Variants in KDM3B observed in about 807,000 individuals in gnomAD.
KDM3B encodes the protein lysine demethylase 3B, also known as lysine-specific demethylase 3B.
Under a neutral mutation model 170.0 loss-of-function variants are expected in KDM3B, and 10 were observed. The observed-to-expected ratio is 0.06, with a 90% confidence interval of 0.04 to 0.10. The LOEUF is 0.10. Ranked by LOEUF, KDM3B falls within the 10% of genes least tolerant of loss-of-function variation. The probability of loss-of-function intolerance (pLI) is 1.00; values close to 1 mark genes in which losing one functional copy is unlikely to be tolerated. For missense variants in KDM3B, 1,394 were observed against 2,195.2 expected (o/e 0.64, Z 7.29); for synonymous variants, 831 against 834.8 (o/e 1.00, Z 0.08).
At chr5:138,385,523 GC>G (rs529460783) in intron 6 of KDM3B, among the ~76,000 whole-genome samples, 53 of 152,368 alleles carry the variant, frequency 3.5e-4, no homozygotes, top group African/African-American at 1.2e-3. Flanking sequence ...GAGCCACTGT[GC>G]CCAGCCCAGG....
At chr5:138,395,215 G>A (rs1430200952) in intron 9 of KDM3B, among the ~76,000 whole-genome samples, 3 of 152,134 alleles carry the variant, frequency 2.0e-5, no homozygotes, top group African/African-American at 7.2e-5. Context: ...CCTACCTGGA[G>A]ATATAAATTT....
rs1357545104 is a variant in KDM3B at position 138,417,623 on chromosome 5, G to A, written c.3435+13G>A. 6.2e-7 allele frequency: 1 copy of A among 1,612,656 alleles called. No individual in the cohort carries two copies. The highest frequency in any genetic ancestry group is 1.3e-5 in the African/African-American group (1 of 74,918). On this transcript the variant is annotated intron_variant, in intron 13 of 23. Coordinates refer to ENST00000314358, the MANE Select transcript of KDM3B (RefSeq NM_016604.4). Reference sequence around the variant, plus strand: ...TGGGATGTCACAGGTAAACTGGTGTGTGTGGGTATAACTAAGTGAAGCCTA... The same window carrying A: ...TGGGATGTCACAGGTAAACTGGTGTATGTGGGTATAACTAAGTGAAGCCTA...
intron 10 of KDM3B, among the ~76,000 whole-genome samples, chr5:138,398,841 T>A (rs1160515500): frequency 2.0e-5 from 3 of 152,178 alleles, no homozygotes; most frequent in African/African-American, 7.2e-5. Flanking sequence ...TATGCCCTAT[T>A]TTCCAGACTA....
Position 138,386,501 on chromosome 5 carries a change from C to T in KDM3B, c.1260C>T (p.Ser420=), listed in dbSNP as rs770952755. The T allele has an allele frequency of 1.9e-5, 31 of 1,614,018 alleles. No individual in the cohort carries two copies. Among genetic ancestry groups the T allele is most frequent in the African/African-American group, 6.7e-5 (5 of 74,904 alleles). Residue 420 remains serine (S), a synonymous_variant, in exon 7 of 24, where the codon TCC becomes TCT. Coordinates refer to ENST00000314358, the MANE Select transcript of KDM3B (RefSeq NM_016604.4). The part of the protein sequence containing the change: ...LEQVGQGIVA[S]AAVVTTASST... ...AAGTTGGCCAGGGCATAGTGGCTTC[C>T]GCAGCTGTGGTCACTACCGCCAGCT...
chr5:138,362,665 T>C (rs1020686441), intron 1 of KDM3B, among the ~76,000 whole-genome samples: 1 of 150,232 alleles, frequency 6.7e-6, no homozygotes, highest in Admixed American at 6.6e-5. Flanking sequence ...TAATTATTTC[T>C]ATGGTTTTGT....
At chr5:138,393,088 A>G (rs928617730) in intron 8 of KDM3B, 83 bp from the exon 9 acceptor site, 2 of 1,327,670 alleles carry the variant, frequency 1.5e-6, no homozygotes, top group Non-Finnish European at 1.1e-6. Context: ...AGGTCAGAAC[A>G]AATGTCTGTC....
rs760727031 is a variant in KDM3B, at chr5:138,429,878, G to A, written c.4806G>A (p.Arg1602=). ...EGDADEVTKQ[R]IHDGKEKPGA... is the part of the protein sequence containing the mutation. Reference sequence around the variant, plus strand: ...ATGCCGATGAGGTGACGAAGCAGAGGATTCATGATGGAAAAGAGAAGCCAG... The same window carrying A: ...ATGCCGATGAGGTGACGAAGCAGAGAATTCATGATGGAAAAGAGAAGCCAG... The change falls in exon 21 of 24, where the codon AGG becomes AGA. Residue 1602 remains arginine, a synonymous_variant. Coordinates refer to ENST00000314358, the MANE Select transcript of KDM3B (RefSeq NM_016604.4). 3 of 1,614,222 alleles carry A rather than the reference G, an allele frequency of 1.9e-6. No individual in the cohort carries two copies. Among genetic ancestry groups the A allele is most frequent in the South Asian group, 2.2e-5 (2 of 91,080 alleles).
At chr5:138,402,451 C>G (rs1762716520) in intron 11 of KDM3B, among the ~76,000 whole-genome samples, 1 of 152,170 alleles carries the variant, frequency 6.6e-6, no homozygotes. Flanking sequence ...GGGCTAGTTA[C>G]TTAATCCTGC....
intron 19 of KDM3B, among the ~76,000 whole-genome samples, chr5:138,427,700 G>A (rs941573064): frequency 6.6e-6 from 1 of 152,202 alleles, no homozygotes; most frequent in Non-Finnish European, 1.5e-5. Flanking sequence ...AGCTTTATCT[G>A]AATACGCCCT....
At chr5:138,388,253 T>G (rs77747111) in intron 7 of KDM3B, among the ~76,000 whole-genome samples, 2,411 of 152,252 alleles carry the variant, frequency 0.016, 36 homozygotes, top group Middle Eastern at 0.051. Flanking sequence ...TATTTTCTTT[T>G]AAACAGGTTG....
rs149294595 is a variant in KDM3B at position 138,365,897 on chromosome 5, G to A, written c.193-6777G>A. 3.8e-3 allele frequency among the ~76,000 whole-genome samples: 580 copies of A among 152,154 alleles called. 1 individual carries two copies. The highest frequency in any genetic ancestry group is 0.013 in the African/African-American group (557 of 41,532). On this transcript the variant is annotated intron_variant, in intron 1 of 23. Transcript: ENST00000314358. ...GCCTATAATCCCAGCTACTCGAGAG[G>A]CTGCGGCACAGAATCGTTTGAACCC...
intron 12 of KDM3B, among the ~76,000 whole-genome samples, chr5:138,415,944 G>T (rs1763091973): frequency 1.3e-5 from 2 of 152,178 alleles, no homozygotes; most frequent in South Asian, 4.1e-4. Flanking sequence ...CAGCTAAAAT[G>T]GTCAGGTGTG....
intron 1 of KDM3B, among the ~76,000 whole-genome samples, chr5:138,356,193 G>A (rs149788662): frequency 2.0e-5 from 3 of 152,262 alleles, no homozygotes; most frequent in Admixed American, 6.5e-5. Flanking sequence ...TAATATACTT[G>A]TATACATATT....
Position 138,386,640 on chromosome 5 carries a change from A to G in KDM3B, c.1380+19A>G. ...GGGAGAGGTGAGTTACTTCAGGGGC[A>G]GATTTGCAAGATTTGGGTTTACTCT... On this transcript the variant is annotated intron_variant, in intron 7 of 23. Transcript: ENST00000314358. The G allele has an allele frequency of 6.3e-7, 1 of 1,595,224 alleles. No individual in the cohort carries two copies. Among genetic ancestry groups the G allele is most frequent in the Non-Finnish European group, 8.6e-7 (1 of 1,167,712 alleles).
At chr5:138,373,924 A>AT (rs1318951377) in intron 2 of KDM3B, among the ~76,000 whole-genome samples, 2 of 152,160 alleles carry the variant, frequency 1.3e-5, no homozygotes, top group Admixed American at 1.3e-4. Flanking sequence ...ATTCAAAACA[A>AT]TTTTTTTAAC....
chr5:138,370,147 A>G (rs546835908), intron 1 of KDM3B, among the ~76,000 whole-genome samples: 1 of 152,284 alleles, frequency 6.6e-6, no homozygotes, highest in South Asian at 2.1e-4. Context: ...GAGCCTATTT[A>G]TATATTAAAT....
intron 1 of KDM3B, among the ~76,000 whole-genome samples, chr5:138,370,471 T>G (rs1761845231): frequency 6.6e-6 from 1 of 152,194 alleles, no homozygotes; most frequent in African/African-American, 2.4e-5. Context: ...ATTTTTATGT[T>G]GGTTACTTGA....
Position 138,415,189 on chromosome 5 carries a change from A to T in KDM3B, c.3257A>T (p.Gln1086Leu). Reference protein sequence around the residue: ...VFSWLKCAKGQSHEPENLMPT... With the variant: ...VFSWLKCAKGLSHEPENLMPT... ...TCCTGGTTGAAGTGTGCAAAGGGAC[A>T]GTCCCACGAACCAGAGAATCTCATG... The change falls in exon 12 of 24, where the codon CAG (glutamine) becomes CTG (leucine). Residue 1086 changes from glutamine (Q) to leucine (L), a missense_variant. Physicochemically the swap from Gln to Leu is moderately radical, Grantham distance 113. This residue lies in a region of KDM3B where 44 missense variants were observed against 71.1 expected (regional missense o/e 0.62). Transcript: ENST00000314358. The T allele has an allele frequency of 6.2e-7, 1 of 1,610,766 alleles. No homozygotes were observed. The highest frequency in any genetic ancestry group is 8.5e-7 in the Non-Finnish European group (1 of 1,177,522).
intron 7 of KDM3B, among the ~76,000 whole-genome samples, chr5:138,388,005 T>C (rs550365231): frequency 7.3e-4 from 111 of 151,542 alleles, no homozygotes; most frequent in African/African-American, 2.3e-3. Flanking sequence ...GGCGTGAACC[T>C]GGGAGGTGGA....
Sources: gnomAD v4.1 joint callset for allele counts (sites outside exome capture counted in the v4.1 genomes callset) on GRCh38, gnomAD v4.1.1 for gene constraint, gnomAD v4.1.1 regional missense constraint, MANE v1.5 for transcripts, NCBI Gene and HGNC (gene_info 2026-07-23, HGNC 2026-07-21) for gene names.